Variants in MAP7 observed in about 807,000 individuals in gnomAD.
MAP7 encodes the protein ensconsin.
Under a neutral mutation model 94.8 loss-of-function variants are expected in MAP7, and 52 were observed. That is an observed-to-expected ratio of 0.55 (90% CI 0.44 to 0.69). The LOEUF (loss-of-function observed/expected upper bound fraction) is 0.69, where lower values mean the gene tolerates loss of function less well. Ranked by LOEUF, MAP7 falls within the 30% of genes least tolerant of loss-of-function variation. MAP7 has a pLI of 0.00. For missense variants in MAP7, 940 were observed against 964.6 expected (o/e 0.97, Z 0.34); for synonymous variants, 350 against 357.0 (o/e 0.98, Z 0.22).
chr6:136,510,807 A>G (rs1230900636), intron 1 of MAP7, among the ~76,000 whole-genome samples: 2 of 152,078 alleles, frequency 1.3e-5, no homozygotes, highest in Non-Finnish European at 2.9e-5. Flanking sequence ...AAAACATAGT[A>G]TATACATATA....
At chr6:136,354,146 C>T in intron 16 of MAP7, among the ~76,000 whole-genome samples, 1 of 136,600 alleles carries the variant, frequency 7.3e-6, no homozygotes, top group South Asian at 2.3e-4. Context: ...ATATATACAT[C>T]TACTATATAT....
chr6:136,436,555 T>G (rs1321641633), intron 1 of MAP7, among the ~76,000 whole-genome samples: 3 of 152,090 alleles, frequency 2.0e-5, no homozygotes, highest in Non-Finnish European at 4.4e-5. Flanking sequence ...GATATTTTTA[T>G]TTTTTGTAGA....
chr6:136,382,909 CATCTT>C (rs1778182019), intron 6 of MAP7, among the ~76,000 whole-genome samples: 1 of 152,070 alleles, frequency 6.6e-6, no homozygotes, highest in Non-Finnish European at 1.5e-5. Context: ...TATTTAAAAT[CATCTT>C]AGTTATGTAA....
intron 1 of MAP7, among the ~76,000 whole-genome samples, chr6:136,453,467 T>C (rs1419978688): frequency 6.6e-6 from 1 of 152,236 alleles, no homozygotes; most frequent in Non-Finnish European, 1.5e-5. Context: ...TTCTTTTATT[T>C]GCATTTGTCA....
chr6:136,365,677 C>G lies in MAP7; in HGVS notation c.1273+58G>C, dbSNP rs1450301252. 8.4e-6 allele frequency: 13 copies of G among 1,549,252 alleles called. No individual in the cohort carries two copies. The Admixed American group carries it at 1.9e-4, about 22-fold the overall frequency. On this transcript the variant is annotated intron_variant, in intron 10 of 17. Coordinates refer to ENST00000354570, the MANE Select transcript of MAP7 (RefSeq NM_003980.6). ...AAAAGGAAAACAAAAAAAGCTTCAT[C>G]AAAACAGTGCGGGAGAAAAAGAGAG...
intron 1 of MAP7, among the ~76,000 whole-genome samples, chr6:136,520,217 G>T (rs559843077): frequency 1.6e-5 from 2 of 128,228 alleles, no homozygotes; most frequent in African/African-American, 3.9e-5. Flanking sequence ...AAAAAAAAAA[G>T]GGGGGAGGAG....
intron 1 of MAP7, among the ~76,000 whole-genome samples, chr6:136,522,848 T>C (rs746536160): frequency 4.6e-5 from 7 of 152,086 alleles, no homozygotes; most frequent in Non-Finnish European, 7.4e-5. Flanking sequence ...CTGGGCAACA[T>C]AGCAAGATCC....
chr6:136,544,075 C>T (rs909344496), intron 1 of MAP7, among the ~76,000 whole-genome samples: 5 of 151,980 alleles, frequency 3.3e-5, no homozygotes, highest in East Asian at 1.9e-4. Flanking sequence ...ATGTATGCCA[C>T]GACACCTGGC....
At chr6:136,444,363 C>G (rs914125882) in intron 1 of MAP7, among the ~76,000 whole-genome samples, 5 of 152,256 alleles carry the variant, frequency 3.3e-5, no homozygotes, top group Non-Finnish European at 5.9e-5. Context: ...AACCACTGCA[C>G]TATGCTACTT....
chr6:136,362,318 A>T (rs2128569254), intron 11 of MAP7, 132 bp downstream of exon 11: 1 of 1,184,008 alleles, frequency 8.4e-7, no homozygotes, highest in Non-Finnish European at 1.2e-6. Context: ...TAGGAAAATT[A>T]GGTAAGAGTA....
chr6:136,355,702 T>C (rs1353563218), intron 16 of MAP7, among the ~76,000 whole-genome samples: 4 of 152,234 alleles, frequency 2.6e-5, no homozygotes. Flanking sequence ...AGATGTCTGT[T>C]GGTAGCAAAG....
intron 2 of MAP7, chr6:136,420,015 C>T: frequency 2.5e-6 from 2 of 816,240 alleles, no homozygotes; most frequent in East Asian, 2.6e-5. Flanking sequence ...GGATATTAGC[C>T]ACCACCACTT....
intron 2 of MAP7, among the ~76,000 whole-genome samples, chr6:136,417,908 G>A (rs953249832): frequency 1.3e-5 from 2 of 152,180 alleles, no homozygotes; most frequent in African/African-American, 4.8e-5. Flanking sequence ...GGGCAGCAAA[G>A]GGATAGGAAT....
At chr6:136,481,105 A>G (rs76372567) in intron 1 of MAP7, among the ~76,000 whole-genome samples, 5,585 of 152,310 alleles carry the variant, frequency 0.037, 328 homozygotes, top group African/African-American at 0.12. Context: ...CTTTTATCCA[A>G]AAGTCAGGCA....
chr6:136,508,207 C>G (rs1047557306), intron 1 of MAP7, among the ~76,000 whole-genome samples: 2 of 151,848 alleles, frequency 1.3e-5, no homozygotes, highest in Non-Finnish European at 2.9e-5. Context: ...TGCCTGTACT[C>G]TCAGCTACAT....
In MAP7 at chr6:136,346,787, G is replaced by T. The variant is rs183979765; in HGVS notation, c.2016-708C>A. ...TGAGGGGATTATAATTTGGAGGGGG[G>T]AGTAAATGATTTGCACAAAGTCACA... On this transcript the variant is annotated intron_variant, in intron 16 of 17. Coordinates refer to ENST00000354570, the MANE Select transcript of MAP7 (RefSeq NM_003980.6). Among the ~76,000 whole-genome samples the T allele has an allele frequency of 2.0e-5, 3 of 152,166 alleles. No individual in the cohort carries two copies. In the East Asian group the frequency reaches 5.8e-4, roughly 29 times the overall value.
chr6:136,352,935 C>T (rs1478430861), intron 16 of MAP7, among the ~76,000 whole-genome samples: 2 of 152,186 alleles, frequency 1.3e-5, no homozygotes, highest in South Asian at 4.1e-4. Context: ...CAGATTGTTT[C>T]AAGATCGATC....
chr6:136,403,420 T>C (rs1457140279), intron 3 of MAP7, among the ~76,000 whole-genome samples: 1 of 152,244 alleles, frequency 6.6e-6, no homozygotes, highest in East Asian at 1.9e-4. Context: ...TGAAGTAACC[T>C]GCCCGATGTC....
At chr6:136,469,247 C>T (rs1808163571) in intron 1 of MAP7, among the ~76,000 whole-genome samples, 1 of 152,110 alleles carries the variant, frequency 6.6e-6, no homozygotes, top group Non-Finnish European at 1.5e-5. Context: ...AAGGTATCAG[C>T]TTATCACCCC....
Sources: gnomAD v4.1 joint callset for allele counts (sites outside exome capture counted in the v4.1 genomes callset) on GRCh38, gnomAD v4.1.1 for gene constraint, MANE v1.5 for transcripts, NCBI Gene and HGNC (gene_info 2026-07-23, HGNC 2026-07-21) for gene names.